PLA2G6: variants seen among roughly 807,000 people sequenced by gnomAD.
The protein encoded by PLA2G6 is phospholipase A2 group VI, also known as 85/88 kDa calcium-independent phospholipase A2.
A neutral mutation model predicts 83.8 loss-of-function variants in PLA2G6; 62 were observed. The observed-to-expected ratio is 0.74, with a 90% confidence interval of 0.60 to 0.91. The LOEUF (loss-of-function observed/expected upper bound fraction) is 0.91. Ranked by LOEUF, PLA2G6 falls within the 40% of genes least tolerant of loss-of-function variation. PLA2G6 has a pLI of 0.00. For synonymous variants in PLA2G6, 417 were observed against 449.8 expected, an observed-to-expected ratio of 0.93 and a Z score of 0.92; for missense variants, 944 against 1,102.0, an observed-to-expected ratio of 0.86 and a Z score of 2.03.
chr22:38,180,584 C>A (rs1471825500), intron 1 of PLA2G6, among the ~76,000 whole-genome samples: 1 of 152,214 alleles, frequency 6.6e-6, no homozygotes, highest in Non-Finnish European at 1.5e-5. Context: ...AAATGATACA[C>A]TGAAAGACAA....
chr22:38,177,042 CAA>C (rs11471646), intron 1 of PLA2G6, among the ~76,000 whole-genome samples: 14 of 129,374 alleles, frequency 1.1e-4, no homozygotes, highest in Non-Finnish European at 8.2e-5. Flanking sequence ...GAGACTGTCT[CAA>C]AAAAAAAAAA....
At chr22:38,164,255 C>G (rs2090132213) in intron 2 of PLA2G6, among the ~76,000 whole-genome samples, 2 of 152,304 alleles carry the variant, frequency 1.3e-5, no homozygotes, top group Admixed American at 1.3e-4. Context: ...GCGGGTGGAG[C>G]TCCACTCAGC....
chr22:38,169,112 C>T, intron 2 of PLA2G6, 106 bp downstream of exon 2: 2 of 883,952 alleles, frequency 2.3e-6, no homozygotes, highest in Non-Finnish European at 3.7e-6. Flanking sequence ...TCTCCAGACC[C>T]CTCAGACAGA....
chr22:38,115,587 G>A lies in PLA2G6; in HGVS notation c.1974C>T (p.Asn658=). Residue 658 remains asparagine (N), a synonymous_variant, in exon 14 of 17, where the codon AAC becomes AAT. Coordinates refer to ENST00000332509, the MANE Select transcript of PLA2G6 (RefSeq NM_003560.4). ...GRFLDGGLLA[N]NPTLDAMTEI... is the part of the protein sequence containing the mutation. Reference sequence around the variant, plus strand: ...CGGTCATGGCATCCAGCGTGGGGTTGTTGGCCAGCAGCCCACCGTCCAGGA... The same window carrying A: ...CGGTCATGGCATCCAGCGTGGGGTTATTGGCCAGCAGCCCACCGTCCAGGA... The A allele has an allele frequency of 6.8e-6, 11 of 1,613,462 alleles. No homozygotes were observed. The Middle Eastern group carries it at 1.8e-3, about 269-fold the overall frequency.
At position 38,163,827 on chromosome 22, in the gene PLA2G6, TG is replaced by T. The variant is rs1316736694; in HGVS notation, c.209+5390del. On this transcript the variant is annotated intron_variant, in intron 2 of 16. Transcript: ENST00000332509. ...CACTCTGCTTGGTGAAGATGGGATG[TG>T]GGAGGACTGAATGGATGGAGGAGCT... Among the ~76,000 whole-genome samples, 3 of 152,132 alleles carry T rather than the reference TG, an allele frequency of 2.0e-5. No individual in the cohort carries two copies. In the East Asian group the frequency reaches 5.8e-4, roughly 29 times the overall value.
chr22:38,112,617 C>A (rs1178942770), intron 15 of PLA2G6, 40 bp from the exon 16 acceptor site: 2 of 1,486,492 alleles, frequency 1.3e-6, no homozygotes, highest in Middle Eastern at 3.9e-4. Flanking sequence ...GGCCCACACC[C>A]CGCCCGGCCC....
intron 1 of PLA2G6, among the ~76,000 whole-genome samples, chr22:38,178,528 G>GATTT (rs901259191): frequency 6.6e-6 from 1 of 152,128 alleles, no homozygotes; most frequent in African/African-American, 2.4e-5. Context: ...AGCTGTGATT[G>GATTT]TGCCACTGCA....
chr22:38,166,861 C>A (rs2090234047), intron 2 of PLA2G6, among the ~76,000 whole-genome samples: 1 of 152,198 alleles, frequency 6.6e-6, no homozygotes, highest in Non-Finnish European at 1.5e-5. Flanking sequence ...CACTTATCAT[C>A]CCAAGGCTAT....
rs987002030 is a variant in PLA2G6, at chr22:38,132,732, G to A, written c.1077+99C>T. On this transcript the variant is annotated intron_variant, in intron 7 of 16. Transcript: ENST00000332509. This position sits in a 1 kb window ranked among gnomAD's most constrained non-coding sequence, Gnocchi z 5.0. ...GGGAAGATGATTTGGAGCAGCTGAC[G>A]ATAGGAGGGAGACAGTGGGGAGGAG... is the stretch of plus-strand genomic sequence containing the variant. 2.0e-5 allele frequency: 22 copies of A among 1,073,734 alleles called. No individual in the cohort carries two copies. Among genetic ancestry groups the A allele is most frequent in the African/African-American group, 9.3e-5 (6 of 64,380 alleles). 66.5% of individuals were successfully genotyped at this position (1,073,734 alleles called of 1,614,324 possible). A position where few individuals can be genotyped will look rare whatever the true frequency, so the allele number is the denominator to read the frequency against.
intron 6 of PLA2G6, 145 bp downstream of exon 6, chr22:38,134,843 T>G: frequency 1.6e-6 from 1 of 627,894 alleles, no homozygotes; most frequent in Non-Finnish European, 2.9e-6. Context: ...CAGCTCTTCA[T>G]GGACTTCTCT....
intron 2 of PLA2G6, among the ~76,000 whole-genome samples, chr22:38,159,055 C>T (rs992545532): frequency 6.6e-6 from 1 of 152,000 alleles, no homozygotes; most frequent in Non-Finnish European, 1.5e-5. Flanking sequence ...AAAAATTAGC[C>T]GGGTGTGGTG....
chr22:38,173,393 G>A (rs917501734), intron 1 of PLA2G6, among the ~76,000 whole-genome samples: 9 of 152,080 alleles, frequency 5.9e-5, no homozygotes, highest in Non-Finnish European at 1.2e-4. Context: ...CACCTCGGCT[G>A]TGTCAAGCAG....
chr22:38,177,238 C>G (rs1466444211), intron 1 of PLA2G6, among the ~76,000 whole-genome samples: 2 of 152,014 alleles, frequency 1.3e-5, no homozygotes, highest in African/African-American at 4.8e-5. Flanking sequence ...TGAGAAAACA[C>G]TGAATGAACA....
At chr22:38,126,260 C>T (rs754290331) in intron 10 of PLA2G6, 111 bp downstream of exon 10, 3 of 811,204 alleles carry the variant, frequency 3.7e-6, no homozygotes, top group East Asian at 4.9e-5. Context: ...AGAGCCACTT[C>T]GCCGGCTGTG....
At chr22:38,121,000 T>TGGCAGGAGGA in intron 11 of PLA2G6, 91 bp from the exon 12 acceptor site, 1 of 1,497,754 alleles carries the variant, frequency 6.7e-7, no homozygotes, top group Non-Finnish European at 9.2e-7. Flanking sequence ...ACGCAGGAGG[T>TGGCAGGAGGA]GGCAGGAGGA....
rs1447889179 is a variant in PLA2G6 at position 38,132,101 on chromosome 22, C to T, written c.1077+730G>A. The T allele has an allele frequency of 4.4e-6, 2 of 455,118 alleles. No individual in the cohort carries two copies. Among genetic ancestry groups the T allele is most frequent in the East Asian group, 7.0e-5 (1 of 14,276 alleles). The allele number at this position is 455,118 out of a possible 1,614,324, so 28.2% of individuals were successfully genotyped here. A position where few individuals can be genotyped will look rare whatever the true frequency, so the allele number is the denominator to read the frequency against. ...CTGCACTCCAGCCTGGGCGACAGTG[C>T]GAGACTCCATCTCGAAAAAAAAGAA... On this transcript the variant is annotated intron_variant, in intron 7 of 16. Transcript: ENST00000332509. The surrounding 1 kb of genome is among the most constrained non-coding windows in gnomAD (Gnocchi z 5.0).
intron 6 of PLA2G6, chr22:38,134,665 C>T (rs1010537274): frequency 8.2e-6 from 3 of 367,170 alleles, no homozygotes; most frequent in Admixed American, 8.0e-5. Flanking sequence ...CAATCATCAT[C>T]ACGCCACCTT....
intron 1 of PLA2G6, among the ~76,000 whole-genome samples, chr22:38,179,627 A>G (rs9610911): frequency 0.38 from 57,855 of 151,890 alleles, 11,257 homozygotes; most frequent in South Asian, 0.47. Flanking sequence ...CTACAAAAAT[A>G]CAAAAATTAG....
At chr22:38,140,524 A>C (rs901007103) in intron 4 of PLA2G6, 2 of 283,256 alleles carry the variant, frequency 7.1e-6, no homozygotes, top group Non-Finnish European at 1.4e-5. Flanking sequence ...AAAGAACGTA[A>C]AGAGAAGCAC....
Sources: allele counts gnomAD v4.1 joint callset (sites outside exome capture counted in the v4.1 genomes callset), GRCh38; gene constraint gnomAD v4.1.1; non-coding constraint Gnocchi (gnomAD v3.1); transcripts MANE v1.5; gene names NCBI Gene and HGNC (gene_info 2026-07-23, HGNC 2026-07-21).